The following CNTNAP2 variants were observed in gnomAD, a reference collection of about 807,000 sequenced individuals.
CNTNAP2 encodes contactin associated protein 2, also known as contactin-associated protein-like 2.
Under a neutral mutation model 155.2 loss-of-function variants are expected in CNTNAP2, and 98 were observed. The ratio of observed to expected loss-of-function variants is 0.63; its 90% CI spans 0.54 to 0.75. CNTNAP2 has a LOEUF of 0.75. Ranked by LOEUF, CNTNAP2 falls within the 30% of genes least tolerant of loss-of-function variation. The pLI, the probability that CNTNAP2 is intolerant of heterozygous loss-of-function variation, is 0.00. For missense variants in CNTNAP2, 1,727 were observed against 1,688.1 expected (o/e 1.02, Z -0.40); for synonymous variants, 651 against 631.2 (o/e 1.03, Z -0.47).
intron 9 of CNTNAP2, among the ~76,000 whole-genome samples, chr7:147,319,490 A>T (rs1038756481): frequency 1.3e-5 from 2 of 151,976 alleles, no homozygotes; most frequent in Non-Finnish European, 2.9e-5. Flanking sequence ...TGATCCTCCC[A>T]CCTCAGCCTC....
intron 15 of CNTNAP2, among the ~76,000 whole-genome samples, chr7:148,112,868 TAA>T (rs71527879): frequency 6.7e-6 from 1 of 149,856 alleles, no homozygotes; most frequent in East Asian, 2.0e-4. Flanking sequence ...TTTTTTTTTT[TAA>T]AAAAAAATAC....
chr7:147,002,840 T>G (rs539409456), intron 3 of CNTNAP2, among the ~76,000 whole-genome samples: 2 of 147,964 alleles, frequency 1.4e-5, no homozygotes, highest in South Asian at 4.3e-4. Flanking sequence ...CCTTAACAGC[T>G]CATAAACTCC....
chr7:148,218,732 C>T (rs1375539452), intron 19 of CNTNAP2, among the ~76,000 whole-genome samples: 2 of 151,846 alleles, frequency 1.3e-5, no homozygotes, highest in Non-Finnish European at 2.9e-5. Flanking sequence ...CCATCTTGGT[C>T]GTCAAACACA....
intron 12 of CNTNAP2, among the ~76,000 whole-genome samples, chr7:147,619,873 C>G (rs1584859554): frequency 6.6e-6 from 1 of 152,182 alleles, no homozygotes; most frequent in Non-Finnish European, 1.5e-5. Context: ...GGTCTTGGGG[C>G]AACACCCAGT....
At position 148,383,867 on chromosome 7, in the gene CNTNAP2, C is replaced by G; in HGVS notation, c.3694C>G (p.His1232Asp). The change falls in exon 22 of 24, where the codon CAC (histidine) becomes GAC (aspartate). Residue 1232 changes from histidine (H) to aspartate (D), a missense_variant. Physicochemically the swap from His to Asp is moderately conservative, Grantham distance 81. Coordinates refer to ENST00000361727, the MANE Select transcript of CNTNAP2 (RefSeq NM_014141.6). ...SPMSSATDPW[H>D]LDHLDSASAD... ...CATGTCGTCCGCCACCGACCCCTGG[C>G]ACCTGGATCACCTGGATTCAGGTAA... 6.2e-7 allele frequency: 1 copy of G among 1,613,812 alleles called. No homozygotes were observed. The highest frequency in any genetic ancestry group is 2.2e-5 in the East Asian group (1 of 44,880).
intron 21 of CNTNAP2, among the ~76,000 whole-genome samples, chr7:148,303,989 G>A (rs1797442089): frequency 6.6e-6 from 1 of 152,142 alleles, no homozygotes; most frequent in Non-Finnish European, 1.5e-5. Context: ...TCTGTTTAGC[G>A]AACTCTTTGA....
intron 13 of CNTNAP2, among the ~76,000 whole-genome samples, chr7:147,751,253 C>T (rs1281525488): frequency 2.0e-5 from 3 of 150,912 alleles, no homozygotes; most frequent in Non-Finnish European, 4.4e-5. Context: ...TAAAATGATC[C>T]GAAAACTGAT....
At chr7:146,603,714 C>T (rs1424007199) in intron 1 of CNTNAP2, among the ~76,000 whole-genome samples, 1 of 150,880 alleles carries the variant, frequency 6.6e-6, no homozygotes, top group African/African-American at 2.4e-5. Flanking sequence ...GGTACTGGTA[C>T]CAAAACAGAG....
chr7:147,191,086 C>T (rs1386806822), intron 8 of CNTNAP2, among the ~76,000 whole-genome samples: 3 of 152,096 alleles, frequency 2.0e-5, no homozygotes, highest in Non-Finnish European at 4.4e-5. Flanking sequence ...TAAAATGACT[C>T]ACCATGTACA....
At chr7:146,155,260 T>C (rs1798107955) in intron 1 of CNTNAP2, among the ~76,000 whole-genome samples, 1 of 152,226 alleles carries the variant, frequency 6.6e-6, no homozygotes, top group Non-Finnish European at 1.5e-5. Flanking sequence ...TCATTTATTT[T>C]TAAATCACCG....
intron 1 of CNTNAP2, among the ~76,000 whole-genome samples, chr7:146,714,228 C>T (rs534769932): frequency 2.6e-5 from 4 of 152,274 alleles, no homozygotes; most frequent in Admixed American, 6.5e-5. Context: ...CTTCATTTCA[C>T]CATACTGCAC....
At chr7:146,985,535 T>A (rs1305225769) in intron 3 of CNTNAP2, among the ~76,000 whole-genome samples, 2 of 152,012 alleles carry the variant, frequency 1.3e-5, no homozygotes, top group African/African-American at 2.4e-5. Flanking sequence ...TTAGCCAGGA[T>A]GGTCTCGATC....
At chr7:147,925,203 G>GAAGT (rs1563137248) in intron 14 of CNTNAP2, among the ~76,000 whole-genome samples, 1 of 149,186 alleles carries the variant, frequency 6.7e-6, no homozygotes, top group East Asian at 2.0e-4. Context: ...AGGAAGGAAG[G>GAAGT]AAGGAAAGAA....
At chr7:148,322,065 C>T (rs920125359) in intron 21 of CNTNAP2, among the ~76,000 whole-genome samples, 17 of 151,354 alleles carry the variant, frequency 1.1e-4, no homozygotes, top group Admixed American at 2.0e-4. Flanking sequence ...GGATTACAGG[C>T]GCACACCACT....
At chr7:146,770,325 C>CAT (rs1802271954) in intron 1 of CNTNAP2, among the ~76,000 whole-genome samples, 2 of 148,444 alleles carry the variant, frequency 1.3e-5, no homozygotes, top group South Asian at 4.2e-4. Flanking sequence ...TATACACACA[C>CAT]ACACACACAC....
At chr7:148,056,717 A>G (rs566728401) in intron 15 of CNTNAP2, 1 of 152,344 alleles carries the variant, frequency 6.6e-6, no homozygotes, top group Admixed American at 6.5e-5. Context: ...ATATTTTTGT[A>G]CAATATATAT....
At chr7:146,663,799 A>T (rs2129166538) in intron 1 of CNTNAP2, among the ~76,000 whole-genome samples, 1 of 152,320 alleles carries the variant, frequency 6.6e-6, no homozygotes, top group South Asian at 2.1e-4. Flanking sequence ...TACTGTGAAT[A>T]AAGAAAATTT....
At chr7:146,235,522 G>A (rs552998627) in intron 1 of CNTNAP2, among the ~76,000 whole-genome samples, 1 of 152,164 alleles carries the variant, frequency 6.6e-6, no homozygotes, top group South Asian at 2.1e-4. Context: ...ACCAGTACAG[G>A]TAGCTGTAGC....
chr7:146,741,429 C>T (rs545719450), intron 1 of CNTNAP2, among the ~76,000 whole-genome samples: 5 of 152,176 alleles, frequency 3.3e-5, no homozygotes, highest in South Asian at 2.1e-4. Flanking sequence ...CTAGACACAA[C>T]GAGCTTATAA....
Sources: gnomAD v4.1 joint callset for allele counts (sites outside exome capture counted in the v4.1 genomes callset) on GRCh38, gnomAD v4.1.1 for gene constraint, MANE v1.5 for transcripts, NCBI Gene and HGNC (gene_info 2026-07-23, HGNC 2026-07-21) for gene names.